Variants in KLHL36 observed in about 807,000 individuals in gnomAD.
KLHL36 encodes the protein kelch like family member 36, also known as kelch-like protein 36.
KLHL36 carries 35 observed loss-of-function variants against 53.3 expected under a neutral mutation model. That is an observed-to-expected ratio of 0.66 (90% confidence interval 0.50 to 0.87). KLHL36 has a LOEUF of 0.87. Among genes scored for constraint, KLHL36 ranks in the 40% least tolerant of loss-of-function variants. The pLI is 0.00. For synonymous variants in KLHL36, 472 were observed against 398.9 expected (o/e 1.18, Z -2.18); for missense variants, 864 against 897.6 (o/e 0.96, Z 0.48).
At position 84,666,151 on chromosome 16, in the gene KLHL36, C is replaced by G. The variant is rs759914230; in HGVS notation, c.*4018C>G. On this transcript the variant is annotated 3_prime_UTR_variant, in exon 5 of 5. Coordinates refer to ENST00000564996, the MANE Select transcript of KLHL36 (RefSeq NM_024731.4). ...GACCCTGTCCTGCGCATCTGCCAAG[C>G]CTGGCAGTTTTTAGAGTTTTTTGAA... 6.6e-5 allele frequency: 10 copies of G among 152,222 alleles called. No homozygotes were observed. In the South Asian group the frequency reaches 8.3e-4, roughly 13 times the overall value. 9.4% of individuals were successfully genotyped at this position (152,222 alleles called of 1,614,324 possible). A position where few individuals can be genotyped will look rare whatever the true frequency, so the allele number is the denominator to read the frequency against.
intron 2 of KLHL36, among the ~76,000 whole-genome samples, chr16:84,652,719 C>A (rs968371579): frequency 1.3e-5 from 2 of 152,236 alleles, no homozygotes; most frequent in Admixed American, 6.5e-5. Flanking sequence ...CCAACCCCAC[C>A]GCTGTGGTTT....
Position 84,665,884 on chromosome 16 carries a change from G to A in KLHL36, c.*3751G>A, listed in dbSNP as rs773211246. 2.0e-5 allele frequency: 3 copies of A among 152,246 alleles called. No individual in the cohort carries two copies. Among genetic ancestry groups the A allele is most frequent in the African/African-American group, 7.2e-5 (3 of 41,442 alleles). 9.4% of individuals were successfully genotyped at this position (152,246 alleles called of 1,614,324 possible). The stretch of plus-strand genomic sequence containing the variant: ...CCCCACCACCCCCTGTAGAGTCACT[G>A]ACCTTCATCCTTCACCCTGGTCCTC... On this transcript the variant is annotated 3_prime_UTR_variant, in exon 5 of 5. Coordinates refer to ENST00000564996, the MANE Select transcript of KLHL36 (RefSeq NM_024731.4).
rs1907654812 is a variant in KLHL36, at chr16:84,663,091, T to A, written c.*958T>A. 1 of 152,162 alleles carries A rather than the reference T, an allele frequency of 6.6e-6. No individual in the cohort carries two copies. The highest frequency in any genetic ancestry group is 1.5e-5 in the Non-Finnish European group (1 of 68,042). The allele number at this position is 152,162 out of a possible 1,614,324, so 9.4% of individuals were successfully genotyped here. A position where few individuals can be genotyped will look rare whatever the true frequency, so the allele number is the denominator to read the frequency against. On this transcript the variant is annotated 3_prime_UTR_variant, in exon 5 of 5. Transcript: ENST00000564996. The stretch of plus-strand genomic sequence containing the variant: ...TCTGTGACTCTATCTTGAGGCGCTG[T>A]TGAAAGTTCCTGCACAGAGGAGCAC...
intron 2 of KLHL36, among the ~76,000 whole-genome samples, chr16:84,656,418 C>T (rs1296195802): frequency 2.0e-5 from 3 of 149,526 alleles, no homozygotes; most frequent in South Asian, 2.1e-4. Context: ...TACAGGCACA[C>T]GCCACCATGC....
intron 2 of KLHL36, among the ~76,000 whole-genome samples, chr16:84,654,750 A>G (rs965951654): frequency 6.6e-6 from 1 of 152,150 alleles, no homozygotes; most frequent in African/African-American, 2.4e-5. Flanking sequence ...AGCTAGGATG[A>G]CAGGCGCCCG....
At position 84,661,048 on chromosome 16, in the gene KLHL36, C is replaced by T. The variant is rs1339821585; in HGVS notation, c.1296-530C>T. ...CCACCATTACAGCATCACGCAGAATCATTTCACTGCCCTAAAGCCCACTGT... is the reference window on the plus strand; with the variant it reads ...CCACCATTACAGCATCACGCAGAATTATTTCACTGCCCTAAAGCCCACTGT... On this transcript the variant is annotated intron_variant, in intron 4 of 4. Transcript: ENST00000564996. This position sits in a 1 kb window ranked among gnomAD's most constrained non-coding sequence, Gnocchi z 7.9. Among the ~76,000 whole-genome samples, 1 of 152,210 alleles carries T rather than the reference C, an allele frequency of 6.6e-6. No homozygotes were observed. The highest frequency in any genetic ancestry group is 1.5e-5 in the Non-Finnish European group (1 of 68,034).
intron 2 of KLHL36, among the ~76,000 whole-genome samples, chr16:84,655,896 T>G (rs1455210334): frequency 1.3e-5 from 2 of 151,672 alleles, no homozygotes; most frequent in Non-Finnish European, 2.9e-5. Flanking sequence ...TTGAATTCAT[T>G]TATTTATTTA....
At position 84,661,781 on chromosome 16, in the gene KLHL36, G is replaced by A; in HGVS notation, c.1499G>A (p.Gly500Asp). The A allele has an allele frequency of 1.2e-6, 2 of 1,612,752 alleles. No homozygotes were observed. Among genetic ancestry groups the A allele is most frequent in the Non-Finnish European group, 8.5e-7 (1 of 1,179,276 alleles). The part of the protein sequence containing the change: ...SLGDSIYSIG[G>D]SDDNIESMER... Reference sequence around the variant, plus strand: ...GGTGACAGCATCTACTCCATCGGGGGCAGCGATGACAACATCGAGTCCATG... The same window carrying A: ...GGTGACAGCATCTACTCCATCGGGGACAGCGATGACAACATCGAGTCCATG... Residue 500 changes from glycine (G) to aspartate (D), a missense_variant, in exon 5 of 5, where the codon GGC (glycine) becomes GAC (aspartate). Coordinates refer to ENST00000564996, the MANE Select transcript of KLHL36 (RefSeq NM_024731.4). The surrounding 1 kb of genome is among the most constrained non-coding windows in gnomAD (Gnocchi z 7.9).
intron 2 of KLHL36, among the ~76,000 whole-genome samples, chr16:84,656,522 C>T (rs1210881504): frequency 6.6e-6 from 1 of 150,880 alleles, no homozygotes; most frequent in Non-Finnish European, 1.5e-5. Flanking sequence ...GTCCCAGCTA[C>T]TCAGGAGGCT....
In KLHL36 at chr16:84,661,712, G is replaced by A. The variant is rs773724735; in HGVS notation, c.1430G>A (p.Arg477Gln). 5.6e-6 allele frequency: 9 copies of A among 1,613,434 alleles called. No homozygotes were observed. The highest frequency in any genetic ancestry group is 5.0e-5 in the Admixed American group (3 of 59,998). The change falls in exon 5 of 5, where the codon CGG becomes CAG. Residue 477 changes from arginine (R) to glutamine (Q), a missense_variant. Transcript: ENST00000564996. The surrounding 1 kb of genome is among the most constrained non-coding windows in gnomAD (Gnocchi z 7.9). Reference sequence around the variant, plus strand: ...CGGACAGACGTGTGGGAGGAGCGGCGGCCCATGACCACGGCGCGCGGCTGG... The same window carrying A: ...CGGACAGACGTGTGGGAGGAGCGGCAGCCCATGACCACGGCGCGCGGCTGG... ...DHRTDVWEER[R>Q]PMTTARGWHS...
chr16:84,657,298 A>G lies in KLHL36; in HGVS notation c.491A>G (p.Asp164Gly). Residue 164 changes from aspartate to glycine, a missense_variant, in exon 3 of 5, where the codon GAT (aspartate) becomes GGT (glycine). Transcript: ENST00000564996. ...TCCATCTACAGCCTCAAGCGGCTTG[A>G]TGCCTTCATCGATGGCTTCATCCTG... Reference protein sequence around the residue: ...LASIYSLKRLDAFIDGFILNH... With the variant: ...LASIYSLKRLGAFIDGFILNH... 1.2e-6 allele frequency: 2 copies of G among 1,613,980 alleles called. No individual in the cohort carries two copies. Among genetic ancestry groups the G allele is most frequent in the Non-Finnish European group, 1.7e-6 (2 of 1,180,020 alleles).
At chr16:84,650,433 G>A (rs1291174914) in intron 1 of KLHL36, among the ~76,000 whole-genome samples, 2 of 152,178 alleles carry the variant, frequency 1.3e-5, no homozygotes, top group African/African-American at 4.8e-5. Flanking sequence ...ATCCTCATCT[G>A]TGAAATGAAA....
intron 3 of KLHL36, chr16:84,658,896 A>C (rs1907380367): frequency 6.6e-6 from 1 of 152,184 alleles, no homozygotes; most frequent in African/African-American, 2.4e-5. Context: ...CACCACTGGA[A>C]AGGGTCCCTG....
Position 84,662,176 on chromosome 16 carries a change from A to C in KLHL36, c.*43A>C. On this transcript the variant is annotated 3_prime_UTR_variant, in exon 5 of 5. Transcript: ENST00000564996. ...GGGACCATCCTCACCGTCACCTCCC[A>C]GGGCTCTGTAGACCAGCAGCAACTT... 1 of 1,437,866 alleles carries C rather than the reference A, an allele frequency of 7.0e-7. No individual in the cohort carries two copies. The highest frequency in any genetic ancestry group is 1.4e-5 in the South Asian group (1 of 72,320). 89.1% of individuals were successfully genotyped at this position (1,437,866 alleles called of 1,614,324 possible).
intron 2 of KLHL36, among the ~76,000 whole-genome samples, chr16:84,654,118 T>C (rs562566730): frequency 5.3e-5 from 8 of 152,064 alleles, no homozygotes; most frequent in Non-Finnish European, 1.0e-4. Flanking sequence ...CAGTCTGGGG[T>C]TGTGTGTATC....
chr16:84,659,781 C>G lies in KLHL36; in HGVS notation c.1159C>G (p.Arg387Gly). 1 of 1,614,128 alleles carries G rather than the reference C, an allele frequency of 6.2e-7. No homozygotes were observed. Among genetic ancestry groups the G allele is most frequent in the African/African-American group, 1.3e-5 (1 of 75,048 alleles). ...ACAGGTGGCCTCCATGAACCAGCGC[C>G]GTGTGGATTTCTACCTTGCCTCCAT... is the stretch of plus-strand genomic sequence containing the variant. ...WIKVASMNQR[R>G]VDFYLASIED... Residue 387 changes from arginine to glycine, a missense_variant, in exon 4 of 5, where the codon CGT becomes GGT. Transcript: ENST00000564996.
chr16:84,658,263 T>G (rs993913591), intron 3 of KLHL36: 2 of 256,396 alleles, frequency 7.8e-6, no homozygotes, highest in African/African-American at 4.4e-5. Flanking sequence ...ACTTGAAATG[T>G]GGCCAGTGCG....
intron 3 of KLHL36, chr16:84,659,505 T>G: frequency 6.7e-6 from 3 of 445,614 alleles, no homozygotes; most frequent in Non-Finnish European, 8.1e-6. Context: ...AGTTCGGGGG[T>G]TCAGAGCATC....
chr16:84,658,714 G>A (rs1024739883), intron 3 of KLHL36: 14 of 152,224 alleles, frequency 9.2e-5, no homozygotes, highest in South Asian at 2.1e-4. Flanking sequence ...TGCTGGGAGC[G>A]CTCTCCAGCC....
Sources: allele counts gnomAD v4.1 joint callset (sites outside exome capture counted in the v4.1 genomes callset), GRCh38; gene constraint gnomAD v4.1.1; non-coding constraint Gnocchi (gnomAD v3.1); transcripts MANE v1.5; gene names NCBI Gene and HGNC (gene_info 2026-07-23, HGNC 2026-07-21).